The following ADCY1 variants were observed in gnomAD, a reference collection of about 807,000 sequenced individuals.
ADCY1 encodes the protein adenylate cyclase type 1.
In ADCY1, 28 loss-of-function variants were observed where a neutral mutation model predicts 105.4. That is an observed-to-expected ratio of 0.27 (90% CI 0.20 to 0.36). The LOEUF is 0.36. Among genes scored for constraint, ADCY1 ranks in the 10% least tolerant of loss-of-function variants. The pLI is 1.00. For missense variants in ADCY1, 977 were observed against 1,434.2 expected (o/e 0.68, Z 5.15); for synonymous variants, 655 against 623.8 (o/e 1.05, Z -0.75).
At chr7:45,712,835 A>G (rs1415543043) in intron 19 of ADCY1, among the ~76,000 whole-genome samples, 1 of 152,112 alleles carries the variant, frequency 6.6e-6, no homozygotes, top group Non-Finnish European at 1.5e-5. Context: ...CTATTTTCTC[A>G]TCCTTTATCT....
At chr7:45,621,340 A>G (rs1250471164) in intron 3 of ADCY1, among the ~76,000 whole-genome samples, 1 of 152,226 alleles carries the variant, frequency 6.6e-6, no homozygotes, top group Non-Finnish European at 1.5e-5. Context: ...TGCTGGGATT[A>G]CAGGCATGAG....
chr7:45,593,636 A>T (rs2115783363), intron 2 of ADCY1, among the ~76,000 whole-genome samples: 1 of 152,310 alleles, frequency 6.6e-6, no homozygotes, highest in Admixed American at 6.5e-5. Context: ...CACTGGAAGG[A>T]TCTAGATTCT....
chr7:45,706,000 A>G (rs1235937884), intron 17 of ADCY1, among the ~76,000 whole-genome samples: 1 of 152,220 alleles, frequency 6.6e-6, no homozygotes, highest in Non-Finnish European at 1.5e-5. Flanking sequence ...CTAACAAACT[A>G]TGTACAAGAT....
chr7:45,592,153 G>T (rs1157707634), intron 1 of ADCY1, among the ~76,000 whole-genome samples: 2 of 151,990 alleles, frequency 1.3e-5, no homozygotes, highest in Non-Finnish European at 2.9e-5. Context: ...TTCTCCAGGG[G>T]TCTTGGTTTT....
At chr7:45,621,812 CA>C (rs1793899318) in intron 3 of ADCY1, among the ~76,000 whole-genome samples, 1 of 152,120 alleles carries the variant, frequency 6.6e-6, no homozygotes, top group African/African-American at 2.4e-5. Flanking sequence ...ACACTTTGAA[CA>C]AATGTGAATA....
intron 3 of ADCY1, among the ~76,000 whole-genome samples, chr7:45,617,364 C>T (rs1184789882): frequency 6.6e-6 from 1 of 152,062 alleles, no homozygotes; most frequent in Non-Finnish European, 1.5e-5. Context: ...GCTTGTATGG[C>T]CTGGGGCCGA....
chr7:45,685,349 T>C (rs1784644843), intron 12 of ADCY1, among the ~76,000 whole-genome samples: 1 of 151,904 alleles, frequency 6.6e-6, no homozygotes, highest in African/African-American at 2.4e-5. Context: ...AGGATGGAGC[T>C]GGGCAGCAGT....
chr7:45,641,947 T>A (rs796786317), intron 4 of ADCY1, among the ~76,000 whole-genome samples: 4,166 of 75,328 alleles, frequency 0.055, 232 homozygotes, highest in African/African-American at 0.1. Flanking sequence ...AAAAAAAAAA[T>A]GTCTTTTCAT....
chr7:45,620,266 T>C (rs1793854958), intron 3 of ADCY1, among the ~76,000 whole-genome samples: 1 of 152,154 alleles, frequency 6.6e-6, no homozygotes, highest in African/African-American at 2.4e-5. Context: ...GAATTACCAG[T>C]CAATGGCCAT....
intron 14 of ADCY1, among the ~76,000 whole-genome samples, chr7:45,699,203 G>A (rs1784940282): frequency 6.6e-6 from 1 of 152,208 alleles, no homozygotes; most frequent in Non-Finnish European, 1.5e-5. Flanking sequence ...CAAAGGAACT[G>A]AAAGTAGGAT....
In ADCY1 at chr7:45,659,582, G is replaced by C. The variant is rs570903437; in HGVS notation, c.1308-460G>C. Reference sequence around the variant, plus strand: ...CACCCTGCTTCCCACCCCACCTCATGTGTGAACACCGTGGCCACCCCTGAC... The same window carrying C: ...CACCCTGCTTCCCACCCCACCTCATCTGTGAACACCGTGGCCACCCCTGAC... On this transcript the variant is annotated intron_variant, in intron 6 of 19. Transcript: ENST00000297323. Among the ~76,000 whole-genome samples, 4 of 152,274 alleles carry C rather than the reference G, an allele frequency of 2.6e-5. No individual in the cohort carries two copies. The South Asian group carries it at 8.3e-4, about 32-fold the overall frequency.
At chr7:45,595,192 C>T in intron 2 of ADCY1, among the ~76,000 whole-genome samples, 1 of 152,188 alleles carries the variant, frequency 6.6e-6, no homozygotes, top group Admixed American at 6.5e-5. Context: ...TAAATGATGT[C>T]TGCTTATACT....
chr7:45,617,365 C>T (rs73694819), intron 3 of ADCY1, among the ~76,000 whole-genome samples: 3,493 of 152,276 alleles, frequency 0.023, 110 homozygotes, highest in African/African-American at 0.07. Context: ...CTTGTATGGC[C>T]TGGGGCCGAG....
At position 45,678,988 on chromosome 7, in the gene ADCY1, C is replaced by T. The variant is rs560050705; in HGVS notation, c.1899-721C>T. Among the ~76,000 whole-genome samples, 5 of 152,108 alleles carry T rather than the reference C, an allele frequency of 3.3e-5. No homozygotes were observed. In the South Asian group the frequency reaches 1.0e-3, roughly 32 times the overall value. ...ATGTCATTTTCAAAAACTTAAAATC[C>T]CTCTTAAAAGGAAGAAAAACAGTAG... On this transcript the variant is annotated intron_variant, in intron 10 of 19. Coordinates refer to ENST00000297323, the MANE Select transcript of ADCY1 (RefSeq NM_021116.4).
At chr7:45,662,344 A>G (rs1359261981) in intron 8 of ADCY1, 130 bp downstream of exon 8, 1 of 1,051,272 alleles carries the variant, frequency 9.5e-7, no homozygotes, top group Non-Finnish European at 1.3e-6. Flanking sequence ...AATCTTGTAA[A>G]TGCTGCTCAG....
chr7:45,615,799 A>AAAG (rs34506484), intron 3 of ADCY1, among the ~76,000 whole-genome samples: 64,279 of 151,648 alleles, frequency 0.42, 14,090 homozygotes, highest in East Asian at 0.69. Flanking sequence ...AAGCCACAAA[A>AAAG]AAGAACATAT....
At position 45,686,184 on chromosome 7, in the gene ADCY1, G is replaced by T. The variant is rs1226081566; in HGVS notation, c.2296G>T (p.Val766Phe). 3.1e-6 allele frequency: 5 copies of T among 1,614,050 alleles called. No homozygotes were observed. Among genetic ancestry groups the T allele is most frequent in the Non-Finnish European group, 3.4e-6 (4 of 1,179,990 alleles). Residue 766 changes from valine to phenylalanine, a missense_variant, in exon 13 of 20, where the codon GTT becomes TTT. Physicochemically the swap from Val to Phe is conservative, Grantham distance 50 (BLOSUM62 -1). Around this residue, in one of 7 missense-constraint regions of ADCY1, gnomAD observed 275 missense variants for 362.1 expected, o/e 0.76. Transcript: ENST00000297323. The surrounding 1 kb of genome is among the most constrained non-coding windows in gnomAD (Gnocchi z 4.3). ...LSGLTTSYILVLELSGYTRTG... is the reference protein window; with the variant it reads ...LSGLTTSYILFLELSGYTRTG... ...CGGGCTCACCACGTCCTACATCCTC[G>T]TTCTGGAGCTCAGCGGATACACCAG...
intron 12 of ADCY1, 144 bp downstream of exon 12, chr7:45,685,212 G>C (rs1784642151): frequency 1.4e-6 from 1 of 723,820 alleles, no homozygotes; most frequent in African/African-American, 1.8e-5. Flanking sequence ...AAGGAGCCAG[G>C]GAACAAGAGA....
Position 45,575,020 on chromosome 7 carries a change from C to T in ADCY1, c.477C>T (p.Ala159=), listed in dbSNP as rs1269592498. ...SAGAAGGPAT[A]EQGVWQLLLV... is the part of the protein sequence containing the mutation. ...GGGCCGCTGGGGGGCCAGCGACCGC[C>T]GAACAAGGGGTTTGGCAGCTCCTTT... is the stretch of plus-strand genomic sequence containing the variant. The change falls in exon 1 of 20, where the codon GCC becomes GCT. Residue 159 remains alanine (A), a synonymous_variant. Coordinates refer to ENST00000297323, the MANE Select transcript of ADCY1 (RefSeq NM_021116.4). The surrounding 1 kb of genome is among the most constrained non-coding windows in gnomAD (Gnocchi z 4.7). 1.2e-6 allele frequency: 2 copies of T among 1,612,070 alleles called. No homozygotes were observed. Among genetic ancestry groups the T allele is most frequent in the South Asian group, 1.1e-5 (1 of 91,032 alleles).
Sources: allele counts gnomAD v4.1 joint callset (sites outside exome capture counted in the v4.1 genomes callset), GRCh38; gene constraint gnomAD v4.1.1; regional missense constraint gnomAD v4.1.1; non-coding constraint Gnocchi (gnomAD v3.1); transcripts MANE v1.5; gene names NCBI Gene and HGNC (gene_info 2026-07-23, HGNC 2026-07-21).